ARHGAP10: variants seen among roughly 807,000 people sequenced by gnomAD.
The protein encoded by ARHGAP10 is rho GTPase-activating protein 10.
A neutral mutation model predicts 108.6 loss-of-function variants in ARHGAP10; 87 were observed. The ratio of observed to expected loss-of-function variants is 0.80; its 90% CI spans 0.67 to 0.96. The LOEUF (loss-of-function observed/expected upper bound fraction) is 0.96. Among genes scored for constraint, ARHGAP10 ranks in the 40% least tolerant of loss-of-function variants. ARHGAP10 has a pLI of 0.00. For missense variants in ARHGAP10, 939 were observed against 954.5 expected, an observed-to-expected ratio of 0.98 and a Z score of 0.21; for synonymous variants, 347 against 341.1, an observed-to-expected ratio of 1.02 and a Z score of -0.19.
chr4:147,927,710 A>G (rs1471686827), intron 13 of ARHGAP10, among the ~76,000 whole-genome samples: 4 of 152,286 alleles, frequency 2.6e-5, no homozygotes, highest in Admixed American at 2.0e-4. Context: ...GGTGAGAGGA[A>G]GAGTTGGTGG....
chr4:147,780,381 G>C (rs1730482321), intron 1 of ARHGAP10, among the ~76,000 whole-genome samples: 1 of 152,072 alleles, frequency 6.6e-6, no homozygotes, highest in African/African-American at 2.4e-5. Context: ...ACATTACTGG[G>C]AGTGACAGTA....
At chr4:148,008,823 C>T (rs1040639933) in intron 18 of ARHGAP10, among the ~76,000 whole-genome samples, 4 of 151,938 alleles carry the variant, frequency 2.6e-5, no homozygotes, top group Admixed American at 2.6e-4. Context: ...GTGGTGTTTT[C>T]CAGAGGCGAT....
chr4:147,865,079 T>C (rs773310274), intron 6 of ARHGAP10, 123 bp downstream of exon 6: 16 of 821,742 alleles, frequency 1.9e-5, no homozygotes, highest in Non-Finnish European at 2.7e-5. Flanking sequence ...GAAAGAGACA[T>C]ATTAAAAAGG....
At chr4:147,849,531 TAAG>T (rs934228184) in intron 4 of ARHGAP10, among the ~76,000 whole-genome samples, 1 of 152,200 alleles carries the variant, frequency 6.6e-6, no homozygotes, top group Admixed American at 6.5e-5. Context: ...CGTGGGGATT[TAAG>T]AAAAAGGTCT....
chr4:148,031,927 G>A (rs1728165109), intron 19 of ARHGAP10, among the ~76,000 whole-genome samples: 1 of 152,120 alleles, frequency 6.6e-6, no homozygotes, highest in Admixed American at 6.5e-5. Context: ...TGTAATTTAT[G>A]CCACCACTTA....
chr4:147,785,996 G>C (rs1255696333), intron 1 of ARHGAP10, among the ~76,000 whole-genome samples: 1 of 151,988 alleles, frequency 6.6e-6, no homozygotes, highest in African/African-American at 2.4e-5. Context: ...TCTGATTTCG[G>C]GAAAATTGAG....
At position 147,796,470 on chromosome 4, in the gene ARHGAP10, C is replaced by G. The variant is rs140259588; in HGVS notation, c.155-26257C>G. On this transcript the variant is annotated intron_variant, in intron 1 of 22. Coordinates refer to ENST00000336498, the MANE Select transcript of ARHGAP10 (RefSeq NM_024605.4). ...CTCTTAGAGGAGGTACATAATTCCT[C>G]CTCAGTCTGGTACCCAAATACTGGT... Among the ~76,000 whole-genome samples the G allele has an allele frequency of 4.2e-4, 64 of 152,194 alleles. 1 individual carries two copies. The East Asian group carries it at 9.5e-3, about 23-fold the overall frequency.
intron 1 of ARHGAP10, among the ~76,000 whole-genome samples, chr4:147,798,721 GACACTCTCTCTCTCTCTC>G (rs1285917791): frequency 2.0e-4 from 23 of 116,208 alleles, no homozygotes; most frequent in African/African-American, 1.1e-3. Flanking sequence ...AGGAGTTTGA[GACACTCTCTCTCTCTCTC>G]TCTCTCTCTC....
intron 3 of ARHGAP10, among the ~76,000 whole-genome samples, chr4:147,843,202 T>C (rs1379027064): frequency 1.3e-5 from 2 of 152,186 alleles, no homozygotes; most frequent in Non-Finnish European, 2.9e-5. Flanking sequence ...TCCCATCTCC[T>C]CCCGTGTCAG....
chr4:147,870,010 G>C (rs1356952691), intron 7 of ARHGAP10, among the ~76,000 whole-genome samples: 12,649 of 147,942 alleles, frequency 0.085, 943 homozygotes, highest in South Asian at 0.14. Context: ...GTGTGTGTGT[G>C]TGTGTGTGTG....
At chr4:148,022,700 AAG>A (rs2149663254) in intron 18 of ARHGAP10, among the ~76,000 whole-genome samples, 1 of 152,380 alleles carries the variant, frequency 6.6e-6, no homozygotes, top group South Asian at 2.1e-4. Context: ...GGGGAAATAA[AAG>A]AGGGGTTAGA....
At chr4:147,915,409 G>A (rs760691391) in intron 13 of ARHGAP10, among the ~76,000 whole-genome samples, 8 of 152,122 alleles carry the variant, frequency 5.3e-5, no homozygotes, top group Non-Finnish European at 1.0e-4. Context: ...AGTTTCTTAA[G>A]TAGAACTTTG....
At position 147,838,480 on chromosome 4, in the gene ARHGAP10, A is replaced by AC. The variant is rs1292370104; in HGVS notation, c.313-8671_313-8670insC. Among the ~76,000 whole-genome samples, 69 of 150,816 alleles carry AC rather than the reference A, an allele frequency of 4.6e-4. 1 individual carries two copies. Among genetic ancestry groups the AC allele is most frequent in the African/African-American group, 1.6e-3 (64 of 41,232 alleles). On this transcript the variant is annotated intron_variant, in intron 3 of 22. Coordinates refer to ENST00000336498, the MANE Select transcript of ARHGAP10 (RefSeq NM_024605.4). The stretch of plus-strand genomic sequence containing the variant: ...AGTGAGACCCTTGTCTCTTAAAAAA[A>AC]AAACACACACACACACACACCAAAG...
At chr4:147,942,204 A>G (rs1439303130) in intron 14 of ARHGAP10, among the ~76,000 whole-genome samples, 1 of 152,204 alleles carries the variant, frequency 6.6e-6, no homozygotes, top group Non-Finnish European at 1.5e-5. Flanking sequence ...GAATTTTTTC[A>G]AGGAACATTT....
At chr4:148,050,738 C>A (rs1219253926) in intron 20 of ARHGAP10, among the ~76,000 whole-genome samples, 1 of 152,188 alleles carries the variant, frequency 6.6e-6, no homozygotes, top group African/African-American at 2.4e-5. Context: ...ATTAATCTTA[C>A]CATTTGCTCC....
At position 148,064,452 on chromosome 4, in the gene ARHGAP10, T is replaced by G; in HGVS notation, c.2217T>G (p.Cys739Trp). The G allele has an allele frequency of 6.2e-7, 1 of 1,614,194 alleles. No individual in the cohort carries two copies. Among genetic ancestry groups the G allele is most frequent in the Non-Finnish European group, 8.5e-7 (1 of 1,180,036 alleles). The change falls in exon 22 of 23, where the codon TGT becomes TGG. Residue 739 changes from cysteine (C) to tryptophan (W), a missense_variant. By Grantham distance (215) the Cys-to-Trp change is radical. Transcript: ENST00000336498. ...RSRKARAVYP[C>W]EAEHSSELSF... is the part of the protein sequence containing the mutation. ...GGAAGGCTCGAGCCGTGTATCCGTG[T>G]GAAGCAGAACACAGCTCGGAATTAT...
At chr4:147,993,097 T>G (rs953518404) in intron 18 of ARHGAP10, among the ~76,000 whole-genome samples, 7 of 152,274 alleles carry the variant, frequency 4.6e-5, no homozygotes, top group Non-Finnish European at 1.0e-4. Flanking sequence ...AGGGTTTGGC[T>G]TTTGCTTTTG....
intron 20 of ARHGAP10, among the ~76,000 whole-genome samples, chr4:148,059,217 G>A (rs1729495146): frequency 3.3e-5 from 5 of 152,234 alleles, no homozygotes; most frequent in Admixed American, 3.3e-4. Context: ...GGAAGATAGC[G>A]AACAGATATT....
At chr4:147,924,441 T>G (rs966117002) in intron 13 of ARHGAP10, among the ~76,000 whole-genome samples, 4 of 152,204 alleles carry the variant, frequency 2.6e-5, no homozygotes, top group African/African-American at 9.7e-5. Flanking sequence ...TGAAGAAAAT[T>G]AATAGGACTT....
Sources: allele counts gnomAD v4.1 joint callset (sites outside exome capture counted in the v4.1 genomes callset), GRCh38; gene constraint gnomAD v4.1.1; transcripts MANE v1.5; gene names NCBI Gene and HGNC (gene_info 2026-07-23, HGNC 2026-07-21).